Variants in ZNF385B observed in about 807,000 individuals in gnomAD.
ZNF385B encodes the protein zinc finger protein 533.
A neutral mutation model predicts 39.2 loss-of-function variants in ZNF385B; 23 were observed. The observed-to-expected ratio is 0.59, with a 90% confidence interval of 0.42 to 0.83. The LOEUF (loss-of-function observed/expected upper bound fraction) is 0.83, where lower values mean the gene tolerates loss of function less well. Ranked by LOEUF, ZNF385B falls within the 40% of genes least tolerant of loss-of-function variation. The pLI is 0.00. For missense variants in ZNF385B, 552 were observed against 598.9 expected (o/e 0.92, Z 0.82); for synonymous variants, 205 against 222.6 (o/e 0.92, Z 0.70).
At chr2:179,627,206 T>G (rs1690737924) in intron 3 of ZNF385B, among the ~76,000 whole-genome samples, 1 of 152,178 alleles carries the variant, frequency 6.6e-6, no homozygotes, top group South Asian at 2.1e-4. Context: ...TTTTAACTAA[T>G]TATAGAAATT....
intron 3 of ZNF385B, among the ~76,000 whole-genome samples, chr2:179,570,179 T>C (rs1256529969): frequency 1.3e-5 from 2 of 152,138 alleles, no homozygotes; most frequent in Non-Finnish European, 2.9e-5. Flanking sequence ...CTCTCAGCTC[T>C]CTGCTGCCCT....
At chr2:179,509,563 C>A (rs919418863) in intron 5 of ZNF385B, among the ~76,000 whole-genome samples, 1 of 152,120 alleles carries the variant, frequency 6.6e-6, no homozygotes, top group South Asian at 2.1e-4. Flanking sequence ...TTCCCAAGTT[C>A]CTGAGATTTA....
At chr2:179,831,897 T>C (rs1183151904) in intron 1 of ZNF385B, among the ~76,000 whole-genome samples, 1 of 152,256 alleles carries the variant, frequency 6.6e-6, no homozygotes, top group East Asian at 1.9e-4. Flanking sequence ...GCTATTTTTC[T>C]GATTCATGCA....
intron 3 of ZNF385B, among the ~76,000 whole-genome samples, chr2:179,751,966 AG>A (rs1179489343): frequency 6.6e-6 from 1 of 152,116 alleles, no homozygotes; most frequent in Non-Finnish European, 1.5e-5. Context: ...TTTAAGTTCT[AG>A]GGCACATGTG....
intron 6 of ZNF385B, among the ~76,000 whole-genome samples, chr2:179,461,436 C>A (rs1216346537): frequency 6.6e-6 from 1 of 152,106 alleles, no homozygotes; most frequent in Non-Finnish European, 1.5e-5. Context: ...TATGTAGAAC[C>A]AACTAGACTT....
intron 3 of ZNF385B, among the ~76,000 whole-genome samples, chr2:179,563,753 C>T (rs532659771): frequency 1.3e-5 from 2 of 152,076 alleles, no homozygotes; most frequent in Non-Finnish European, 2.9e-5. Flanking sequence ...ACTGGGCATT[C>T]CTTATGATTA....
At chr2:179,640,407 A>C (rs1692160224) in intron 3 of ZNF385B, among the ~76,000 whole-genome samples, 1 of 151,928 alleles carries the variant, frequency 6.6e-6, no homozygotes, top group Non-Finnish European at 1.5e-5. Context: ...GCATGAGTAT[A>C]TACGCATATT....
At chr2:179,737,508 A>G (rs555546274) in intron 3 of ZNF385B, among the ~76,000 whole-genome samples, 3 of 152,234 alleles carry the variant, frequency 2.0e-5, no homozygotes, top group Non-Finnish European at 4.4e-5. Flanking sequence ...TCGCCCATCA[A>G]TATCTACCTG....
chr2:179,854,261 T>G (rs999487770), intron 1 of ZNF385B, among the ~76,000 whole-genome samples: 37 of 152,160 alleles, frequency 2.4e-4, no homozygotes, highest in African/African-American at 8.9e-4. Flanking sequence ...TGCCAGAAGT[T>G]TTCTACTCTT....
intron 6 of ZNF385B, among the ~76,000 whole-genome samples, chr2:179,474,268 A>G (rs16866746): frequency 0.058 from 8,881 of 152,270 alleles, 681 homozygotes; most frequent in East Asian, 0.35. Context: ...TGTAGTGAGT[A>G]TATGTATAAT....
At position 179,553,724 on chromosome 2, in the gene ZNF385B, T is replaced by C. The variant is rs2060724095; in HGVS notation, c.299-8755A>G. Among the ~76,000 whole-genome samples the C allele has an allele frequency of 1.3e-5, 2 of 149,328 alleles. 1 individual carries two copies. The highest frequency in any genetic ancestry group is 5.0e-5 in the African/African-American group (2 of 39,666). On this transcript the variant is annotated intron_variant, in intron 3 of 9. Transcript: ENST00000410066. The stretch of plus-strand genomic sequence containing the variant: ...AAAAGATTCTGTCATCAAATACATT[T>C]AGAAAATGTTGCTTCAACAAAGCTT...
intron 3 of ZNF385B, among the ~76,000 whole-genome samples, chr2:179,644,973 T>C (rs536353240): frequency 1.3e-5 from 2 of 152,364 alleles, no homozygotes; most frequent in South Asian, 4.1e-4. Context: ...ATGTAACATA[T>C]ATACATACTA....
intron 1 of ZNF385B, among the ~76,000 whole-genome samples, chr2:179,856,794 G>C (rs1205754528): frequency 6.6e-6 from 1 of 152,088 alleles, no homozygotes; most frequent in African/African-American, 2.4e-5. Flanking sequence ...AGTAAAATGA[G>C]GTAAAAATAC....
intron 3 of ZNF385B, among the ~76,000 whole-genome samples, chr2:179,741,703 T>C (rs1053678895): frequency 1.3e-5 from 2 of 152,086 alleles, no homozygotes; most frequent in African/African-American, 2.4e-5. Flanking sequence ...CCTATAAATA[T>C]TTTGACATCA....
intron 1 of ZNF385B, among the ~76,000 whole-genome samples, chr2:179,822,361 C>T (rs1362786798): frequency 3.3e-5 from 5 of 152,230 alleles, no homozygotes; most frequent in African/African-American, 1.2e-4. Context: ...ACGTGTAAAA[C>T]ATTTATTTTG....
chr2:179,745,709 T>C, intron 3 of ZNF385B: 1 of 1,541,086 alleles, frequency 6.5e-7, no homozygotes, highest in South Asian at 1.2e-5. Context: ...ATAAAAACGC[T>C]CACCTCTGCT....
At chr2:179,842,662 A>C (rs114752820) in intron 1 of ZNF385B, among the ~76,000 whole-genome samples, 1,922 of 152,016 alleles carry the variant, frequency 0.013, 38 homozygotes, top group African/African-American at 0.043. Context: ...ACCCCACCAG[A>C]TGGCAGTCGA....
intron 3 of ZNF385B, among the ~76,000 whole-genome samples, chr2:179,702,919 AG>A (rs2106368040): frequency 6.6e-6 from 1 of 152,332 alleles, no homozygotes. Flanking sequence ...CATCTTCAAA[AG>A]GAATCCACAA....
Position 179,775,323 on chromosome 2 carries a change from C to T in ZNF385B, c.-154-4651G>A, listed in dbSNP as rs527775824. Reference sequence around the variant, plus strand: ...TAAAAGAAATGTATAAAATTAAGAACCTTAAAAAATAAAAAGCTTGTAATA... The same window carrying T: ...TAAAAGAAATGTATAAAATTAAGAATCTTAAAAAATAAAAAGCTTGTAATA... On this transcript the variant is annotated intron_variant, in intron 1 of 9. Transcript: ENST00000410066. 3.9e-5 allele frequency among the ~76,000 whole-genome samples: 6 copies of T among 152,198 alleles called. No individual in the cohort carries two copies. The South Asian group carries it at 1.0e-3, about 26-fold the overall frequency.
Sources: gnomAD v4.1 joint callset for allele counts (sites outside exome capture counted in the v4.1 genomes callset) on GRCh38, gnomAD v4.1.1 for gene constraint, MANE v1.5 for transcripts, NCBI Gene and HGNC (gene_info 2026-07-23, HGNC 2026-07-21) for gene names.